The following HS6ST3 variants were observed in gnomAD, a reference collection of about 807,000 sequenced individuals.
HS6ST3 encodes heparan-sulfate 6-O-sulfotransferase 3.
In HS6ST3, 12 loss-of-function variants were observed where a neutral mutation model predicts 36.7. That is an observed-to-expected ratio of 0.33 (90% CI 0.21 to 0.53). HS6ST3 has a LOEUF of 0.53. Ranked by LOEUF, HS6ST3 falls within the 20% of genes least tolerant of loss-of-function variation. The pLI is 0.95. For missense variants in HS6ST3, 584 were observed against 640.9 expected (o/e 0.91, Z 0.96); for synonymous variants, 240 against 257.5 (o/e 0.93, Z 0.65).
intron 1 of HS6ST3, among the ~76,000 whole-genome samples, chr13:96,293,826 G>A: frequency 6.6e-6 from 1 of 152,072 alleles, no homozygotes; most frequent in East Asian, 1.9e-4. Flanking sequence ...ATGTCAAGGT[G>A]TGCAAACTGA....
At chr13:96,670,272 GC>G (rs1055969445) in intron 1 of HS6ST3, among the ~76,000 whole-genome samples, 4 of 152,120 alleles carry the variant, frequency 2.6e-5, no homozygotes. Context: ...GTTCTCACTG[GC>G]CTTGGCAAAA....
intron 1 of HS6ST3, among the ~76,000 whole-genome samples, chr13:96,704,256 G>A (rs571925938): frequency 3.3e-5 from 5 of 152,144 alleles, no homozygotes; most frequent in South Asian, 2.1e-4. Context: ...AATTCTGCAC[G>A]TGATATTCCT....
chr13:96,736,208 C>T (rs993980074), intron 1 of HS6ST3, among the ~76,000 whole-genome samples: 6 of 152,090 alleles, frequency 3.9e-5, no homozygotes, highest in Admixed American at 2.6e-4. Flanking sequence ...ACATCCTGCA[C>T]GTGTACCCCT....
At chr13:96,450,625 G>A (rs2055723042) in intron 1 of HS6ST3, among the ~76,000 whole-genome samples, 1 of 152,128 alleles carries the variant, frequency 6.6e-6, no homozygotes, top group Non-Finnish European at 1.5e-5. Flanking sequence ...TGAGATGATT[G>A]TCTTGAGCAT....
intron 1 of HS6ST3, among the ~76,000 whole-genome samples, chr13:96,188,829 T>C (rs1420790411): frequency 6.6e-6 from 1 of 152,128 alleles, no homozygotes; most frequent in Admixed American, 6.6e-5. Context: ...ATTAGAAGAG[T>C]TGGCTGAAAG....
At chr13:96,516,589 A>C (rs2056073815) in intron 1 of HS6ST3, among the ~76,000 whole-genome samples, 1 of 152,192 alleles carries the variant, frequency 6.6e-6, no homozygotes, top group African/African-American at 2.4e-5. Flanking sequence ...TATTTTTTAA[A>C]TAAATATTTA....
intron 1 of HS6ST3, among the ~76,000 whole-genome samples, chr13:96,548,692 T>C (rs994732888): frequency 1.3e-5 from 2 of 152,184 alleles, no homozygotes; most frequent in Non-Finnish European, 2.9e-5. Context: ...GCCTCCTAGT[T>C]GAAATCTGCA....
chr13:96,331,749 C>T (rs2055069490), intron 1 of HS6ST3, among the ~76,000 whole-genome samples: 1 of 152,200 alleles, frequency 6.6e-6, no homozygotes, highest in Non-Finnish European at 1.5e-5. Flanking sequence ...CCTAAGCAAG[C>T]CTGGGCAATG....
intron 1 of HS6ST3, among the ~76,000 whole-genome samples, chr13:96,481,283 A>G (rs949731250): frequency 6.6e-6 from 1 of 152,142 alleles, no homozygotes; most frequent in Non-Finnish European, 1.5e-5. Context: ...TAATTTTTTA[A>G]AAATGTGCTT....
intron 1 of HS6ST3, among the ~76,000 whole-genome samples, chr13:96,123,993 C>T (rs936125503): frequency 6.6e-6 from 1 of 152,090 alleles, no homozygotes; most frequent in African/African-American, 2.4e-5. Context: ...AAATGCAGAG[C>T]TTATTGGAAT....
chr13:96,575,951 T>C (rs78670421), intron 1 of HS6ST3, among the ~76,000 whole-genome samples: 1,526 of 152,344 alleles, frequency 0.01, 21 homozygotes, highest in Non-Finnish European at 0.015. Flanking sequence ...GTCAAGTGGA[T>C]TGGGTGCCAC....
In HS6ST3 at chr13:96,468,469, TACAC is replaced by T. The variant is rs146508827; in HGVS notation, c.708-364017_708-364014del. On this transcript the variant is annotated intron_variant, in intron 1 of 1. Coordinates refer to ENST00000376705, the MANE Select transcript of HS6ST3 (RefSeq NM_153456.4). Reference sequence around the variant, plus strand: ...ATTTTATTTAACATTTAACAGGACATACACACATACACACACACACACACACACA... The same window carrying T: ...ATTTTATTTAACATTTAACAGGACATACATACACACACACACACACACACA... Among the ~76,000 whole-genome samples the T allele has an allele frequency of 8.1e-3, 374 of 46,248 alleles. 2 individuals are homozygous for T. Among genetic ancestry groups the T allele is most frequent in the Middle Eastern group, 0.042 (4 of 96 alleles). The allele number at this position is 46,248 out of a possible 152,430, so 30.3% of individuals were successfully genotyped here. A position where few individuals can be genotyped will look rare whatever the true frequency, so the allele number is the denominator to read the frequency against.
Position 96,637,820 on chromosome 13 carries a change from A to G in HS6ST3, c.708-194670A>G, listed in dbSNP as rs191109487. ...TAGTCATTCTTTTTATTTAAAGCCC[A>G]GGTTAAAATTTTGTCTTTGTTTTGC... On this transcript the variant is annotated intron_variant, in intron 1 of 1. Transcript: ENST00000376705. 7.5e-4 allele frequency among the ~76,000 whole-genome samples: 114 copies of G among 152,202 alleles called. 3 individuals are homozygous for G. Among genetic ancestry groups the G allele is most frequent in the Admixed American group, 6.5e-3 (99 of 15,282 alleles).
At chr13:96,523,841 T>G (rs141467610) in intron 1 of HS6ST3, among the ~76,000 whole-genome samples, 29 of 152,294 alleles carry the variant, frequency 1.9e-4, no homozygotes, top group Middle Eastern at 3.4e-3. Context: ...ATTATCAACC[T>G]TCTGAAGCCT....
In HS6ST3 at chr13:96,686,887, A is replaced by G. The variant is rs191271346; in HGVS notation, c.708-145603A>G. On this transcript the variant is annotated intron_variant, in intron 1 of 1. Coordinates refer to ENST00000376705, the MANE Select transcript of HS6ST3 (RefSeq NM_153456.4). ...CATCTGTTATCTACAGTTACTTTTCATGCTATTCCTCATTGTGTACTCCAA... is the reference window on the plus strand; with the variant it reads ...CATCTGTTATCTACAGTTACTTTTCGTGCTATTCCTCATTGTGTACTCCAA... Among the ~76,000 whole-genome samples the G allele has an allele frequency of 4.6e-5, 7 of 152,172 alleles. No homozygotes were observed. In the East Asian group the frequency reaches 1.4e-3, roughly 29 times the overall value.
intron 1 of HS6ST3, among the ~76,000 whole-genome samples, chr13:96,748,300 T>C (rs1268213211): frequency 6.6e-6 from 1 of 152,082 alleles, no homozygotes; most frequent in Non-Finnish European, 1.5e-5. Context: ...AGAGCTCCTA[T>C]GCTTGCTAGA....
At chr13:96,704,915 C>T (rs1875380726) in intron 1 of HS6ST3, among the ~76,000 whole-genome samples, 1 of 152,144 alleles carries the variant, frequency 6.6e-6, no homozygotes, top group African/African-American at 2.4e-5. Context: ...ACTATTTAAG[C>T]AATATCATTT....
chr13:96,606,270 C>T (rs879081722), intron 1 of HS6ST3, among the ~76,000 whole-genome samples: 6 of 152,022 alleles, frequency 3.9e-5, no homozygotes, highest in African/African-American at 1.2e-4. Flanking sequence ...CACATGCACT[C>T]GTATGTTATT....
intron 1 of HS6ST3, among the ~76,000 whole-genome samples, chr13:96,662,456 G>T (rs1468653958): frequency 1.3e-5 from 2 of 151,178 alleles, no homozygotes; most frequent in East Asian, 3.9e-4. Context: ...CAGAAGTTCT[G>T]TTTGATATTT....
Sources: allele counts gnomAD v4.1 joint callset (sites outside exome capture counted in the v4.1 genomes callset), GRCh38; gene constraint gnomAD v4.1.1; transcripts MANE v1.5; gene names NCBI Gene and HGNC (gene_info 2026-07-23, HGNC 2026-07-21).